ROR2: variants seen among roughly 807,000 people sequenced by gnomAD.
The protein encoded by ROR2 is ROR family WNT receptor 2.
ROR2 carries 33 observed loss-of-function variants against 74.9 expected under a neutral mutation model. That is an observed-to-expected ratio of 0.44 (90% CI 0.33 to 0.59). ROR2 has a LOEUF of 0.59. ROR2 is among the 20% of genes least tolerant of loss of function. The pLI is 0.02. For synonymous variants in ROR2, 586 were observed against 558.7 expected, an observed-to-expected ratio of 1.05 and a Z score of -0.69; for missense variants, 1,216 against 1,313.8, an observed-to-expected ratio of 0.93 and a Z score of 1.15.
At chr9:91,843,779 C>T (rs1828850103) in intron 1 of ROR2, among the ~76,000 whole-genome samples, 1 of 152,364 alleles carries the variant, frequency 6.6e-6, no homozygotes, top group South Asian at 2.1e-4. Flanking sequence ...GCACATGCCC[C>T]GCCTGGCTGG....
At chr9:91,856,435 T>C (rs1014917697) in intron 1 of ROR2, among the ~76,000 whole-genome samples, 5 of 152,252 alleles carry the variant, frequency 3.3e-5, no homozygotes, top group Non-Finnish European at 5.9e-5. Flanking sequence ...CCCTAACTCC[T>C]AGTACCTTAG....
chr9:91,846,161 T>C (rs1828923220), intron 1 of ROR2, among the ~76,000 whole-genome samples: 1 of 152,212 alleles, frequency 6.6e-6, no homozygotes, highest in South Asian at 2.1e-4. Context: ...AGCCTGTCTC[T>C]TCATCTTAAA....
At chr9:91,830,810 G>A (rs976762196) in intron 1 of ROR2, among the ~76,000 whole-genome samples, 1 of 6,222 alleles carries the variant, frequency 1.6e-4, no homozygotes, top group African/African-American at 4.4e-4. Context: ...AACTGTGTCC[G>A]TGTGTGTGTG....
chr9:91,741,958 G>C (rs971890022), intron 4 of ROR2, among the ~76,000 whole-genome samples: 11 of 152,204 alleles, frequency 7.2e-5, no homozygotes, highest in Non-Finnish European at 1.3e-4. Context: ...CCGTGGTCAA[G>C]AGAAACAAAC....
intron 1 of ROR2, among the ~76,000 whole-genome samples, chr9:91,945,399 G>GT (rs1831988936): frequency 2.0e-5 from 3 of 152,180 alleles, no homozygotes; most frequent in Admixed American, 2.0e-4. Flanking sequence ...TAGGCTAGGA[G>GT]TATTTGGGAT....
In ROR2 at chr9:91,775,767, T is replaced by C; in HGVS notation, c.149A>G (p.Gln50Arg). Residue 50 changes from glutamine (Q) to arginine (R), a missense_variant, in exon 2 of 9, where the codon CAG becomes CGG. Coordinates refer to ENST00000375708, the MANE Select transcript of ROR2 (RefSeq NM_004560.4). ...PNDPLGPLDG[Q>R]DGPIPTLKGY... Reference sequence around the variant, plus strand: ...TTTCAGAGTTGGAATCGGGCCGTCCTGCCCATCAAGGGGTCCTAAAGGGTC... The same window carrying C: ...TTTCAGAGTTGGAATCGGGCCGTCCCGCCCATCAAGGGGTCCTAAAGGGTC... 2 of 1,614,196 alleles carry C rather than the reference T, an allele frequency of 1.2e-6. No homozygotes were observed. Among genetic ancestry groups the C allele is most frequent in the Non-Finnish European group, 1.7e-6 (2 of 1,180,024 alleles).
At chr9:91,790,755 C>T (rs1382098537) in intron 1 of ROR2, among the ~76,000 whole-genome samples, 1 of 152,016 alleles carries the variant, frequency 6.6e-6, no homozygotes, top group Non-Finnish European at 1.5e-5. Context: ...TCCTTGAGAC[C>T]CTGCAGTGGG....
At chr9:91,809,591 G>A (rs1165117243) in intron 1 of ROR2, among the ~76,000 whole-genome samples, 2 of 152,268 alleles carry the variant, frequency 1.3e-5, no homozygotes, top group Non-Finnish European at 2.9e-5. Context: ...CAACCGGGCA[G>A]GTCCAGGGCC....
chr9:91,949,011 G>A, intron 1 of ROR2: 1 of 878,574 alleles, frequency 1.1e-6, no homozygotes, highest in Non-Finnish European at 1.4e-6. Flanking sequence ...CCGGATCCAA[G>A]CAGCCGAAAC....
chr9:91,867,476 G>A (rs944315824), intron 1 of ROR2, among the ~76,000 whole-genome samples: 3 of 152,114 alleles, frequency 2.0e-5, no homozygotes, highest in Admixed American at 6.5e-5. Context: ...TTTCTGAGAC[G>A]TGGACATAGT....
intron 1 of ROR2, among the ~76,000 whole-genome samples, chr9:91,878,123 T>C (rs1242154458): frequency 6.6e-6 from 1 of 152,088 alleles, no homozygotes; most frequent in Non-Finnish European, 1.5e-5. Flanking sequence ...ATCCTTTCAT[T>C]GCTAGGAAAA....
At chr9:91,734,894 A>C (rs1358308866) in intron 5 of ROR2, among the ~76,000 whole-genome samples, 2 of 152,134 alleles carry the variant, frequency 1.3e-5, no homozygotes, top group Non-Finnish European at 2.9e-5. Flanking sequence ...CCGATATTTA[A>C]ATGGAGGAAC....
At chr9:91,943,786 A>C (rs922823472) in intron 1 of ROR2, among the ~76,000 whole-genome samples, 5 of 152,188 alleles carry the variant, frequency 3.3e-5, no homozygotes, top group African/African-American at 1.2e-4. Flanking sequence ...ATTCAATTCT[A>C]GTTTCCTGCT....
intron 1 of ROR2, among the ~76,000 whole-genome samples, chr9:91,853,720 G>A (rs1304008929): frequency 6.6e-6 from 1 of 152,182 alleles, no homozygotes; most frequent in Non-Finnish European, 1.5e-5. Context: ...AGAATCTACA[G>A]TGCCCGGGCT....
At chr9:91,775,173 G>A (rs980057210) in intron 2 of ROR2, among the ~76,000 whole-genome samples, 1 of 152,218 alleles carries the variant, frequency 6.6e-6, no homozygotes, top group Non-Finnish European at 1.5e-5. Context: ...AGCCTGAGCT[G>A]ACTGAGACAG....
chr9:91,847,299 C>T (rs1262606914), intron 1 of ROR2, among the ~76,000 whole-genome samples: 1 of 152,204 alleles, frequency 6.6e-6, no homozygotes. Context: ...TGGGAGGCCA[C>T]TTTCCCTCCC....
intron 1 of ROR2, among the ~76,000 whole-genome samples, chr9:91,922,454 T>A (rs149073462): frequency 0.013 from 1,926 of 149,610 alleles, 41 homozygotes; most frequent in African/African-American, 0.045. Context: ...TAAATAATTT[T>A]TTTATTTTTT....
At chr9:91,805,767 A>C (rs934262352) in intron 1 of ROR2, among the ~76,000 whole-genome samples, 1 of 152,178 alleles carries the variant, frequency 6.6e-6, no homozygotes, top group Non-Finnish European at 1.5e-5. Flanking sequence ...TGAATACAGA[A>C]AGAAGAAAGA....
intron 1 of ROR2, among the ~76,000 whole-genome samples, chr9:91,908,637 A>T (rs1309404262): frequency 1.3e-5 from 2 of 152,238 alleles, no homozygotes; most frequent in Non-Finnish European, 2.9e-5. Flanking sequence ...GTCTCAAAGA[A>T]ATAAGTTTAA....
Sources: gnomAD v4.1 joint callset for allele counts (sites outside exome capture counted in the v4.1 genomes callset) on GRCh38, gnomAD v4.1.1 for gene constraint, MANE v1.5 for transcripts, NCBI Gene and HGNC (gene_info 2026-07-23, HGNC 2026-07-21) for gene names.